HIVEP3: variants seen among roughly 807,000 people sequenced by gnomAD.
HIVEP3 encodes the protein transcription factor HIVEP3.
HIVEP3 carries 49 observed loss-of-function variants against 152.8 expected under a neutral mutation model. That is an observed-to-expected ratio of 0.32 (90% CI 0.26 to 0.41). The LOEUF is 0.41. Among genes scored for constraint, HIVEP3 ranks in the 10% least tolerant of loss-of-function variants. HIVEP3 has a pLI of 1.00. For missense variants in HIVEP3, 2,790 were observed against 3,103.3 expected, an observed-to-expected ratio of 0.90 and a Z score of 2.40; for synonymous variants, 1,269 against 1,289.0, an observed-to-expected ratio of 0.98 and a Z score of 0.33.
chr1:42,026,477 T>C (rs1007957991), intron 1 of HIVEP3, among the ~76,000 whole-genome samples: 1 of 152,326 alleles, frequency 6.6e-6, no homozygotes, highest in South Asian at 2.1e-4. Context: ...CATTTTAATA[T>C]TTTCAGTGGA....
chr1:41,528,312 TCA>T (rs1394447533), intron 5 of HIVEP3, among the ~76,000 whole-genome samples: 11 of 89,278 alleles, frequency 1.2e-4, no homozygotes, highest in Non-Finnish European at 2.0e-4. Context: ...ACACTCACCT[TCA>T]CACTCCACAC....
At chr1:41,524,178 G>A (rs1256131717) in intron 6 of HIVEP3, among the ~76,000 whole-genome samples, 1 of 152,182 alleles carries the variant, frequency 6.6e-6, no homozygotes, top group Non-Finnish European at 1.5e-5. Context: ...GTCAGTCTGG[G>A]AGTGGGGGGC....
At chr1:41,928,943 A>T (rs1177538161) in intron 1 of HIVEP3, among the ~76,000 whole-genome samples, 2 of 152,172 alleles carry the variant, frequency 1.3e-5, no homozygotes, top group Non-Finnish European at 2.9e-5. Flanking sequence ...CAACTTAGTG[A>T]GACCTCACAT....
intron 3 of HIVEP3, among the ~76,000 whole-genome samples, chr1:41,625,420 C>T (rs1225565486): frequency 1.3e-5 from 2 of 152,176 alleles, no homozygotes; most frequent in Non-Finnish European, 2.9e-5. Context: ...TCCAATAAAA[C>T]TTTACCGAAT....
intron 1 of HIVEP3, among the ~76,000 whole-genome samples, chr1:41,745,826 C>A (rs1647063477): frequency 6.6e-6 from 1 of 152,226 alleles, no homozygotes; most frequent in African/African-American, 2.4e-5. Flanking sequence ...TATAACACAT[C>A]CCCTGAGAAA....
At chr1:41,757,472 G>A (rs1647387822) in intron 1 of HIVEP3, among the ~76,000 whole-genome samples, 1 of 151,872 alleles carries the variant, frequency 6.6e-6, no homozygotes, top group South Asian at 2.1e-4. Context: ...TAGTACCAAG[G>A]AGGATCACTT....
chr1:41,779,649 T>C (rs1007786000), intron 1 of HIVEP3, among the ~76,000 whole-genome samples: 22 of 152,330 alleles, frequency 1.4e-4, no homozygotes, highest in African/African-American at 5.3e-4. Context: ...GCATAAACCA[T>C]TATGCCTGGC....
At chr1:41,598,842 ATCTCAT>A (rs1352338741) in intron 3 of HIVEP3, among the ~76,000 whole-genome samples, 7 of 126,406 alleles carry the variant, frequency 5.5e-5, no homozygotes, top group Non-Finnish European at 1.1e-4. Flanking sequence ...TAGGGACAGG[ATCTCAT>A]TCTGTTGCCC....
At chr1:41,709,070 C>T (rs1474033339) in intron 1 of HIVEP3, among the ~76,000 whole-genome samples, 1 of 152,186 alleles carries the variant, frequency 6.6e-6, no homozygotes, top group Non-Finnish European at 1.5e-5. Flanking sequence ...CTCTTCTGCA[C>T]CCCCTACCAC....
intron 1 of HIVEP3, among the ~76,000 whole-genome samples, chr1:41,973,046 G>GCACACACACACA (rs61424124): frequency 1.8e-4 from 26 of 147,214 alleles, no homozygotes; most frequent in African/African-American, 6.0e-4. Context: ...ACATGTGCGT[G>GCACACACACACA]CACACACACA....
chr1:41,748,770 A>C (rs1287210320), intron 1 of HIVEP3, among the ~76,000 whole-genome samples: 1 of 152,240 alleles, frequency 6.6e-6, no homozygotes, highest in African/African-American at 2.4e-5. Context: ...GATATTGGTC[A>C]GAATGCCACA....
intron 1 of HIVEP3, among the ~76,000 whole-genome samples, chr1:41,843,240 G>A (rs553568063): frequency 3.3e-5 from 5 of 152,312 alleles, no homozygotes; most frequent in South Asian, 2.1e-4. Context: ...GATAATTAGC[G>A]ATAGACTTGT....
intron 3 of HIVEP3, among the ~76,000 whole-genome samples, chr1:41,617,845 C>T (rs1570118561): frequency 1.3e-5 from 2 of 152,008 alleles, no homozygotes; most frequent in East Asian, 3.9e-4. Flanking sequence ...AGAGAAGATG[C>T]CAATGGCTTT....
At chr1:41,985,607 T>A (rs1030135061) in intron 1 of HIVEP3, among the ~76,000 whole-genome samples, 23 of 152,166 alleles carry the variant, frequency 1.5e-4, no homozygotes, top group African/African-American at 4.6e-4. Flanking sequence ...TACCATCCCA[T>A]TGAGTTTAGG....
chr1:41,835,367 T>A (rs1035826937), intron 1 of HIVEP3, among the ~76,000 whole-genome samples: 13 of 152,208 alleles, frequency 8.5e-5, no homozygotes, highest in Non-Finnish European at 1.2e-4. Context: ...CGTCCCAGCA[T>A]GGCCTTTCCT....
chr1:41,799,579 T>C (rs1026860131), intron 1 of HIVEP3, among the ~76,000 whole-genome samples: 1 of 152,192 alleles, frequency 6.6e-6, no homozygotes, highest in South Asian at 2.1e-4. Context: ...CTGTAAATCG[T>C]CTTGCTTCTT....
At chr1:41,750,657 A>C (rs185367777) in intron 1 of HIVEP3, among the ~76,000 whole-genome samples, 23 of 151,328 alleles carry the variant, frequency 1.5e-4, no homozygotes, top group African/African-American at 5.1e-4. Context: ...AAATCTCTGT[A>C]GATTGGGCAC....
chr1:41,551,615 A>C (rs1175634742), intron 5 of HIVEP3, among the ~76,000 whole-genome samples: 1 of 152,126 alleles, frequency 6.6e-6, no homozygotes, highest in Admixed American at 6.5e-5. Context: ...GGGAGGGTGT[A>C]TGTGTCCAGG....
chr1:42,018,770 C>G (rs547346190), intron 1 of HIVEP3, among the ~76,000 whole-genome samples: 1 of 152,044 alleles, frequency 6.6e-6, no homozygotes, highest in Non-Finnish European at 1.5e-5. Context: ...TCAGAGGAAC[C>G]TGAAAATAAA....
Sources: allele counts gnomAD v4.1 joint callset (sites outside exome capture counted in the v4.1 genomes callset), GRCh38; gene constraint gnomAD v4.1.1; transcripts MANE v1.5; gene names NCBI Gene and HGNC (gene_info 2026-07-23, HGNC 2026-07-21).